The following RBFOX1 variants were observed in gnomAD, a reference collection of about 807,000 sequenced individuals.
RBFOX1 encodes RNA binding protein fox-1 homolog 1.
Under a neutral mutation model 57.7 loss-of-function variants are expected in RBFOX1, and 8 were observed. That is an observed-to-expected ratio of 0.14 (90% CI 0.08 to 0.25). The LOEUF (loss-of-function observed/expected upper bound fraction) is 0.25. RBFOX1 is among the 10% of genes least tolerant of loss of function. The pLI, the probability that RBFOX1 is intolerant of heterozygous loss-of-function variation, is 1.00. For synonymous variants in RBFOX1, 326 were observed against 222.4 expected (o/e 1.47, Z -4.15); for missense variants, 611 against 548.5 (o/e 1.11, Z -1.14).
chr16:7,067,316 A>G (rs1385094236), intron 4 of RBFOX1, among the ~76,000 whole-genome samples: 1 of 149,806 alleles, frequency 6.7e-6, no homozygotes, highest in Non-Finnish European at 1.5e-5. Flanking sequence ...CACAAAAAAA[A>G]TAGTGGTTTA....
At chr16:6,257,971 C>G (rs1598894429) in intron 1 of RBFOX1, among the ~76,000 whole-genome samples, 2 of 152,168 alleles carry the variant, frequency 1.3e-5, no homozygotes, top group East Asian at 3.9e-4. Context: ...GATGGTAGTT[C>G]TCTTTTTTGG....
chr16:6,963,886 G>T (rs1361274874), intron 3 of RBFOX1, among the ~76,000 whole-genome samples: 1 of 152,026 alleles, frequency 6.6e-6, no homozygotes, highest in Non-Finnish European at 1.5e-5. Flanking sequence ...TTTTAGTAGA[G>T]ATGGGATTTC....
chr16:5,856,811 G>A (rs2057083799), intron 3 of RBFOX1, among the ~76,000 whole-genome samples: 1 of 151,426 alleles, frequency 6.6e-6, no homozygotes. Flanking sequence ...TTGGGCTTTG[G>A]CTTAAGGGAA....
intron 1 of RBFOX1, among the ~76,000 whole-genome samples, chr16:5,403,018 A>G (rs1210873312): frequency 6.6e-6 from 1 of 152,212 alleles, no homozygotes. Flanking sequence ...ATGCATGCAC[A>G]CACGTATACA....
intron 4 of RBFOX1, among the ~76,000 whole-genome samples, chr16:7,121,125 A>T (rs2067082939): frequency 6.6e-6 from 1 of 152,082 alleles, no homozygotes; most frequent in Admixed American, 6.6e-5. Context: ...AACCTGGTAG[A>T]GGATGTCAAC....
intron 3 of RBFOX1, among the ~76,000 whole-genome samples, chr16:6,875,532 G>C (rs12149901): frequency 0.23 from 35,582 of 152,106 alleles, 4,325 homozygotes; most frequent in East Asian, 0.28. Context: ...CAAAGACTAT[G>C]AATTATGTTT....
chr16:6,524,336 T>C (rs1008651972), intron 2 of RBFOX1, among the ~76,000 whole-genome samples: 4 of 152,256 alleles, frequency 2.6e-5, no homozygotes, highest in Non-Finnish European at 4.4e-5. Flanking sequence ...CGTTCCTTTA[T>C]ATGGCTGAAT....
chr16:6,899,196 CATATGTGTGT>C (rs952151391), intron 3 of RBFOX1, among the ~76,000 whole-genome samples: 11 of 148,102 alleles, frequency 7.4e-5, no homozygotes, highest in African/African-American at 2.6e-4. Flanking sequence ...TGTGTGAGTG[CATATGTGTGT>C]ATATGTGTGT....
intron 4 of RBFOX1, among the ~76,000 whole-genome samples, chr16:7,175,134 C>A (rs1340107440): frequency 6.6e-6 from 1 of 151,898 alleles, no homozygotes; most frequent in African/African-American, 2.4e-5. Context: ...CTGCACCTAT[C>A]AACCCATCAC....
Position 5,550,433 on chromosome 16 carries a change from A to C in RBFOX1, c.259-48469A>C, listed in dbSNP as rs572727095. On this transcript the variant is annotated intron_variant, in intron 2 of 2. Coordinates refer to the RBFOX1 transcript ENST00000585867. ...CTCTGATTACCGCTCTGTTGGATCC[A>C]TCAGCCACCAAAGAAGGCTGAGGCT... 3.6e-4 allele frequency among the ~76,000 whole-genome samples: 55 copies of C among 152,280 alleles called. 1 individual carries two copies. Among genetic ancestry groups the C allele is most frequent in the African/African-American group, 1.3e-3 (55 of 41,558 alleles).
At chr16:7,076,294 A>C (rs1369944464) in intron 4 of RBFOX1, among the ~76,000 whole-genome samples, 1 of 151,826 alleles carries the variant, frequency 6.6e-6, no homozygotes, top group Non-Finnish European at 1.5e-5. Flanking sequence ...GGCCTCTCAA[A>C]GTGCTGGGAT....
chr16:7,278,356 AC>A (rs1003024452), intron 4 of RBFOX1, among the ~76,000 whole-genome samples: 32 of 152,170 alleles, frequency 2.1e-4, no homozygotes, highest in Non-Finnish European at 3.8e-4. Context: ...TCTTAAATTT[AC>A]CCAAGATCAA....
chr16:7,702,706 G>A (rs1016440971), intron 14 of RBFOX1, among the ~76,000 whole-genome samples: 4 of 152,116 alleles, frequency 2.6e-5, no homozygotes, highest in African/African-American at 4.8e-5. Context: ...GCTGAAAGCC[G>A]AGCATTTTGT....
intron 2 of RBFOX1, among the ~76,000 whole-genome samples, chr16:6,344,695 T>G (rs962329431): frequency 8.8e-5 from 5 of 56,578 alleles, no homozygotes; most frequent in African/African-American, 1.3e-4. Flanking sequence ...CCGAGCCCGG[T>G]TTTTTTTTTT....
chr16:6,314,381 A>T (rs1363190808), intron 1 of RBFOX1, among the ~76,000 whole-genome samples: 1 of 152,160 alleles, frequency 6.6e-6, no homozygotes, highest in African/African-American at 2.4e-5. Flanking sequence ...TCTGCTTCTG[A>T]TAGAAGAATA....
intron 3 of RBFOX1, among the ~76,000 whole-genome samples, chr16:6,929,437 C>T (rs761724948): frequency 6.6e-6 from 1 of 152,078 alleles, no homozygotes; most frequent in East Asian, 1.9e-4. Context: ...ACAGCAGTTC[C>T]CTGGTATATA....
chr16:5,867,362 T>C, intron 4 of RBFOX1: 1 of 1,170,050 alleles, frequency 8.5e-7, no homozygotes, highest in Non-Finnish European at 1.1e-6. Flanking sequence ...TTCTGTCCCT[T>C]TAGAAGATAG....
At chr16:6,622,885 C>T (rs1468054434) in intron 2 of RBFOX1, among the ~76,000 whole-genome samples, 1 of 152,154 alleles carries the variant, frequency 6.6e-6, no homozygotes, top group Non-Finnish European at 1.5e-5. Flanking sequence ...GTTGTTCTGC[C>T]AAGTTGGGCA....
At chr16:6,404,938 C>T (rs538044771) in intron 2 of RBFOX1, among the ~76,000 whole-genome samples, 97 of 152,236 alleles carry the variant, frequency 6.4e-4, no homozygotes, top group East Asian at 1.9e-4. Flanking sequence ...CATTGGTAGA[C>T]GGAACCACAA....
Sources: allele counts gnomAD v4.1 joint callset (sites outside exome capture counted in the v4.1 genomes callset), GRCh38; gene constraint gnomAD v4.1.1; transcripts MANE v1.5; gene names NCBI Gene and HGNC (gene_info 2026-07-23, HGNC 2026-07-21).